RPUSD3: variants seen among roughly 807,000 people sequenced by gnomAD.
RPUSD3 encodes the protein RNA pseudouridine synthase D3, also known as mitochondrial mRNA pseudouridine synthase RPUSD3.
A neutral mutation model predicts 35.1 loss-of-function variants in RPUSD3; 36 were observed. That is an observed-to-expected ratio of 1.02 (90% CI 0.79 to 1.35). The LOEUF (loss-of-function observed/expected upper bound fraction) is 1.35, where lower values mean the gene tolerates loss of function less well. Ranked by LOEUF, RPUSD3 falls within the 40% of genes most tolerant of loss-of-function variation. The probability of loss-of-function intolerance (pLI) is 0.00; values close to 1 mark genes in which losing one functional copy is unlikely to be tolerated. For synonymous variants in RPUSD3, 202 were observed against 187.8 expected, an observed-to-expected ratio of 1.08 and a Z score of -0.62; for missense variants, 486 against 441.9, an observed-to-expected ratio of 1.10 and a Z score of -0.89.
intron 7 of RPUSD3, 104 bp downstream of exon 7, chr3:9,840,080 C>T (rs758529328): frequency 1.9e-5 from 27 of 1,432,904 alleles, no homozygotes; most frequent in Non-Finnish European, 2.5e-5. Flanking sequence ...CAGGGTTTCA[C>T]CATCTTGGCC....
At chr3:9,842,650 T>C (rs2082120308) in intron 2 of RPUSD3, 1 of 267,114 alleles carries the variant, frequency 3.7e-6, no homozygotes, top group South Asian at 4.6e-5. Context: ...GAGAAATCCA[T>C]TTCTCCCCTG....
chr3:9,837,943 T>G, exon 9 of RPUSD3: 1 of 1,460,332 alleles, frequency 6.8e-7, no homozygotes, highest in East Asian at 2.5e-5. Flanking sequence ...GATGTGATCT[T>G]AGGTTTGTCT....
rs767516863 is a variant in RPUSD3 at position 9,839,016 on chromosome 3, AG to A, written c.864+15del. The A allele has an allele frequency of 1.2e-6, 2 of 1,613,338 alleles. No homozygotes were observed. The highest frequency in any genetic ancestry group is 2.2e-5 in the East Asian group (1 of 44,888). ...CTCCACCCCTCAGAAAGCAGCAGGC[AG>A]GTGGGCTGGAGTACCTGTCTTTGGG... On this transcript the variant is annotated intron_variant, in intron 8 of 8. Coordinates refer to ENST00000383820, the Ensembl canonical transcript of RPUSD3.
chr3:9,839,959 C>T, intron 7 of RPUSD3: 1 of 451,610 alleles, frequency 2.2e-6, no homozygotes, highest in Non-Finnish European at 4.0e-6. Context: ...TGGCTCATTG[C>T]AACTTCTGCC....
rs370961231 is a variant in RPUSD3, at chr3:9,843,541, G to A, written c.186C>T (p.Phe62=). 86 of 1,613,736 alleles carry A rather than the reference G, an allele frequency of 5.3e-5. No homozygotes were observed. The East Asian group carries it at 8.5e-4, about 16-fold the overall frequency. The change falls in exon 2 of 9, where the codon TTC becomes TTT. Residue 62 remains phenylalanine (F), a synonymous_variant. Coordinates refer to ENST00000383820, the Ensembl canonical transcript of RPUSD3. ...TGAGGTTTTTTGGCAGCAGCCCCGC[G>A]AAGGGCTGGTCCCCGAGGGGCCCCG... is the stretch of plus-strand genomic sequence containing the variant.
rs377371328 is a variant in RPUSD3 at position 9,838,183 on chromosome 3, G to A, written c.889C>T (p.Arg297Cys). ...GCCTGGGAGGGGGTCAGGTGGAGGC[G>A]TCTGAGGAGGGCTTCATCCAGGACC... The change falls in exon 9 of 9, where the codon CGC becomes TGC. Residue 297 changes from arginine to cysteine, a missense_variant. Coordinates refer to ENST00000383820, the Ensembl canonical transcript of RPUSD3. 197 of 1,611,944 alleles carry A rather than the reference G, an allele frequency of 1.2e-4. No homozygotes were observed. Among genetic ancestry groups the A allele is most frequent in the South Asian group, 1.8e-4 (16 of 90,986 alleles).
At position 9,843,607 on chromosome 3, in the gene RPUSD3, C is replaced by G. The variant is rs201225419; in HGVS notation, c.126-6G>C. Reference sequence around the variant, plus strand: ...CGCGGGGTTGCCTCTGATGCCTGGACAAGGAGGGAGAAGCAATGGGAGTCA... The same window carrying G: ...CGCGGGGTTGCCTCTGATGCCTGGAGAAGGAGGGAGAAGCAATGGGAGTCA... On this transcript the variant is annotated splice_polypyrimidine_tract_variant and splice_region_variant and intron_variant, in intron 1 of 8. Transcript: ENST00000383820. 8.7e-6 allele frequency: 14 copies of G among 1,613,436 alleles called. No homozygotes were observed. The East Asian group carries it at 2.9e-4, about 33-fold the overall frequency.
At chr3:9,838,564 A>G (rs1209638583) in intron 8 of RPUSD3, among the ~76,000 whole-genome samples, 2 of 151,912 alleles carry the variant, frequency 1.3e-5, no homozygotes, top group Non-Finnish European at 2.9e-5. Context: ...TTGAACCTAC[A>G]CTGTCTCCCC....
At position 9,843,468 on chromosome 3, in the gene RPUSD3, T is replaced by C. The variant is rs369609804; in HGVS notation, c.259A>G (p.Lys87Glu). Residue 87 changes from lysine to glutamate, a missense_variant, in exon 2 of 9, where the codon AAA becomes GAA. By Grantham distance (56) the Lys-to-Glu change is moderately conservative (BLOSUM62 1). Coordinates refer to ENST00000383820, the Ensembl canonical transcript of RPUSD3. ...GGCCGTGCCTCTCACCCCTCACCTT[T>C]CCGGTCCACCACGGCTGCCCGCAGC... 1.8e-4 allele frequency: 288 copies of C among 1,613,774 alleles called. No homozygotes were observed. Among genetic ancestry groups the C allele is most frequent in the Non-Finnish European group, 2.3e-4 (276 of 1,179,938 alleles).
intron 2 of RPUSD3, chr3:9,842,500 G>C (rs774133425): frequency 8.0e-5 from 45 of 564,932 alleles, no homozygotes; most frequent in Non-Finnish European, 1.2e-4. Context: ...TCACATCACG[G>C]AGAGGTCTGA....
exon 4 of RPUSD3, chr3:9,841,987 C>A: frequency 7.4e-6 from 12 of 1,613,936 alleles, no homozygotes; most frequent in Non-Finnish European, 1.0e-5. Flanking sequence ...ACTTACTTCC[C>A]AGATGCTCGG....
In RPUSD3 at chr3:9,841,629, C is replaced by T. The variant is rs9845554; in HGVS notation, c.407+354G>A. 1,247 of 180,558 alleles carry T rather than the reference C, an allele frequency of 6.9e-3. 15 individuals are homozygous for T. The highest frequency in any genetic ancestry group is 0.028 in the African/African-American group (1,175 of 42,194). 11.2% of individuals were successfully genotyped at this position (180,558 alleles called of 1,614,324 possible). On this transcript the variant is annotated intron_variant, in intron 4 of 8. Coordinates refer to ENST00000383820, the Ensembl canonical transcript of RPUSD3. ...TATTGATTATAGGCATGAGCCACCACGCGGAAAGTTTTGTTGTTGTTTTTC... is the reference window on the plus strand; with the variant it reads ...TATTGATTATAGGCATGAGCCACCATGCGGAAAGTTTTGTTGTTGTTTTTC...
intron 7 of RPUSD3, 37 bp downstream of exon 7, chr3:9,840,147 G>A (rs1456088786): frequency 4.4e-6 from 7 of 1,594,742 alleles, no homozygotes; most frequent in Non-Finnish European, 5.1e-6. Flanking sequence ...CCCAAATCAA[G>A]TGCAGTTTTA....
chr3:9,838,104 C>T lies in RPUSD3; in HGVS notation c.968G>A (p.Arg323Lys), dbSNP rs548367237. 1.5e-4 allele frequency: 234 copies of T among 1,612,670 alleles called. No homozygotes were observed. The South Asian group carries it at 2.5e-3, about 17-fold the overall frequency. Residue 323 changes from arginine to lysine, a missense_variant, in exon 9 of 9, where the codon AGG becomes AAG. Coordinates refer to ENST00000383820, the Ensembl canonical transcript of RPUSD3. Reference sequence around the variant, plus strand: ...GAGCTCAACAGGGGTGTCCCTGGCCCTGGTGCCTGGGAGAAGGAGCCGATG... The same window carrying T: ...GAGCTCAACAGGGGTGTCCCTGGCCTTGGTGCCTGGGAGAAGGAGCCGATG...
chr3:9,840,224 TGTGGCTACCACACGAAA>T lies in RPUSD3; in HGVS notation c.667_683del (p.Phe223ArgfsTer53). The T allele has an allele frequency of 6.2e-7, 1 of 1,614,012 alleles. No individual in the cohort carries two copies. The highest frequency in any genetic ancestry group is 8.5e-7 in the Non-Finnish European group (1 of 1,180,016). Reference sequence around the variant, plus strand: ...GCTGGACCAGGGCACAGCCAGAGCCTGTGGCTACCACACGAAAGTGACTGAGAGTCTTCTTGACACCT... The same window carrying T: ...GCTGGACCAGGGCACAGCCAGAGCCTGTGACTGAGAGTCTTCTTGACACCT... On this transcript the variant is annotated frameshift_variant, in exon 7 of 9. Coordinates refer to ENST00000383820, the Ensembl canonical transcript of RPUSD3. LOFTEE classifies it high-confidence loss of function.
exon 8 of RPUSD3, chr3:9,839,150 A>C (rs2082066415): frequency 1.2e-6 from 2 of 1,612,730 alleles, no homozygotes; most frequent in Non-Finnish European, 1.7e-6. Flanking sequence ...TACCATGTGC[A>C]CCTGTAGTTG....
intron 8 of RPUSD3, 37 bp from the exon 9 acceptor site, chr3:9,838,244 T>C: frequency 5.0e-6 from 8 of 1,604,992 alleles, no homozygotes; most frequent in South Asian, 1.1e-5. Flanking sequence ...CAGCCCCACA[T>C]TTTCCAAGCA....
chr3:9,839,517 A>G (rs2082071878), intron 7 of RPUSD3: 1 of 177,134 alleles, frequency 5.6e-6, no homozygotes, highest in Admixed American at 6.1e-5. Context: ...GGGCCATCAA[A>G]TGCTCCCCAG....
rs1232236799 is a variant in RPUSD3 at position 9,838,030 on chromosome 3, G to C, written c.1042C>G (p.Leu348Val). Residue 348 changes from leucine to valine, a missense_variant, in exon 9 of 9, where the codon CTC becomes GTC. Coordinates refer to ENST00000383820, the Ensembl canonical transcript of RPUSD3. ...CAGAGGGAGGACTATTGTAAGCGGA[G>C]CCCCAGGCACTGTAGGGTCCTGGAG... 2.5e-6 allele frequency: 4 copies of C among 1,575,632 alleles called. No homozygotes were observed. In the African/African-American group the frequency reaches 5.4e-5, roughly 21 times the overall value.
Sources: allele counts gnomAD v4.1 joint callset (sites outside exome capture counted in the v4.1 genomes callset), GRCh38; gene constraint gnomAD v4.1.1; transcripts MANE v1.5; gene names NCBI Gene and HGNC (gene_info 2026-07-23, HGNC 2026-07-21).